Variants in TP53INP1 observed in about 807,000 individuals in gnomAD.
TP53INP1 encodes the protein tumor protein p53-inducible nuclear protein 1.
In TP53INP1, 12 loss-of-function variants were observed where a neutral mutation model predicts 21.0. The ratio of observed to expected loss-of-function variants is 0.57; its 90% CI spans 0.37 to 0.93. The LOEUF (loss-of-function observed/expected upper bound fraction) is 0.93, where lower values mean the gene tolerates loss of function less well. Among genes scored for constraint, TP53INP1 ranks in the 40% least tolerant of loss-of-function variants. TP53INP1 has a pLI of 0.01. For missense variants in TP53INP1, 274 were observed against 294.7 expected, an observed-to-expected ratio of 0.93 and a Z score of 0.51; for synonymous variants, 91 against 94.8, an observed-to-expected ratio of 0.96 and a Z score of 0.23.
At chr8:94,941,284 C>T (rs549364329) in intron 1 of TP53INP1, among the ~76,000 whole-genome samples, 193 bp from the exon 2 acceptor site, 16 of 152,240 alleles carry the variant, frequency 1.1e-4, no homozygotes, top group African/African-American at 3.9e-4. Flanking sequence ...TCAAATTCAA[C>T]CTATAAATAT....
chr8:94,933,475 T>C (rs1820632914), intron 3 of TP53INP1, among the ~76,000 whole-genome samples: 2 of 152,006 alleles, frequency 1.3e-5, no homozygotes, highest in South Asian at 4.1e-4. Context: ...TATAAAATAG[T>C]ATATCTGGGC....
At chr8:94,935,128 T>TTAG (rs149916195) in intron 3 of TP53INP1, among the ~76,000 whole-genome samples, 5 of 144,640 alleles carry the variant, frequency 3.5e-5, no homozygotes, top group Non-Finnish European at 6.0e-5. Context: ...GGTAGATAGA[T>TTAG]ATAGATAGAT....
chr8:94,934,155 A>G (rs1014507792), intron 3 of TP53INP1, among the ~76,000 whole-genome samples: 6 of 152,184 alleles, frequency 3.9e-5, no homozygotes, highest in Non-Finnish European at 8.8e-5. Context: ...CACAGAAAAA[A>G]AAAAACACAA....
chr8:94,934,305 G>A (rs1304173735), intron 3 of TP53INP1, among the ~76,000 whole-genome samples: 1 of 151,952 alleles, frequency 6.6e-6, no homozygotes, highest in African/African-American at 2.4e-5. Context: ...CTTTTGCAAA[G>A]CTGCTGACTA....
At position 94,949,220 on chromosome 8, in the gene TP53INP1, G is replaced by GGGC. The variant is rs1238619674; in HGVS notation, c.-220_-218dup. On this transcript the variant is annotated 5_prime_UTR_variant, in exon 1 of 4. Coordinates refer to ENST00000342697, the MANE Select transcript of TP53INP1 (RefSeq NM_033285.4). The stretch of plus-strand genomic sequence containing the variant: ...CCGCCGGCTCGGCGGGGAAGGACGC[G>GGGC]GGCGGGGCGGGACTGCTGAGGTAGC... The GGGC allele has an allele frequency of 1.3e-5, 2 of 150,386 alleles. No individual in the cohort carries two copies. The highest frequency in any genetic ancestry group is 3.0e-5 in the Non-Finnish European group (2 of 67,328). 9.3% of individuals were successfully genotyped at this position (150,386 alleles called of 1,614,324 possible). A position where few individuals can be genotyped will look rare whatever the true frequency, so the allele number is the denominator to read the frequency against.
rs966347804 is a variant in TP53INP1, at chr8:94,941,264, A to G, written c.-150-173T>C. Among the ~76,000 whole-genome samples the G allele has an allele frequency of 2.0e-5, 3 of 152,212 alleles. No homozygotes were observed. The East Asian group carries it at 5.8e-4, about 29-fold the overall frequency. ...AGAAATGCAACATAATGTTTTGTAA[A>G]TACTCTTACTCAAATTCAACCTATA... On this transcript the variant is annotated intron_variant, in intron 1 of 3. Coordinates refer to ENST00000342697, the MANE Select transcript of TP53INP1 (RefSeq NM_033285.4).
Position 94,928,211 on chromosome 8 carries a change from A to C in TP53INP1, c.*2268T>G, listed in dbSNP as rs1445805819. On this transcript the variant is annotated 3_prime_UTR_variant, in exon 4 of 4. Transcript: ENST00000342697. ...AAAGCATAAAAAACTAGCCCCAGGTAAGGCAAACAAAAAGTCAATAAGGAA... is the reference window on the plus strand; with the variant it reads ...AAAGCATAAAAAACTAGCCCCAGGTCAGGCAAACAAAAAGTCAATAAGGAA... The C allele has an allele frequency of 7.0e-6, 1 of 142,058 alleles. No homozygotes were observed. The highest frequency in any genetic ancestry group is 2.1e-4 in the East Asian group (1 of 4,778). 8.8% of individuals were successfully genotyped at this position (142,058 alleles called of 1,614,324 possible).
rs1020698344 is a variant in TP53INP1, at chr8:94,948,782, G to T, written c.-151+372C>A. 9.9e-5 allele frequency among the ~76,000 whole-genome samples: 15 copies of T among 152,234 alleles called. No individual in the cohort carries two copies. The East Asian group carries it at 2.7e-3, about 28-fold the overall frequency. ...AGGAGGAGTGGAGGGGAGTGAGGAG[G>T]GGTGAGAGGAGGAGGTCCCGCCGCG... On this transcript the variant is annotated intron_variant, in intron 1 of 3. Transcript: ENST00000342697.
rs1007000041 is a variant in TP53INP1 at position 94,927,890 on chromosome 8, A to C, written c.*2589T>G. On this transcript the variant is annotated 3_prime_UTR_variant, in exon 4 of 4. Transcript: ENST00000342697. ...AAGAAATATGTCTAAAGCGCATTGT[A>C]AACCACTAATATTTACAATAGCAAA... is the stretch of plus-strand genomic sequence containing the variant. The C allele has an allele frequency of 4.9e-5, 7 of 141,836 alleles. No individual in the cohort carries two copies. The highest frequency in any genetic ancestry group is 9.2e-5 in the Non-Finnish European group (6 of 65,240). 8.8% of individuals were successfully genotyped at this position (141,836 alleles called of 1,614,324 possible).
intron 3 of TP53INP1, among the ~76,000 whole-genome samples, chr8:94,935,128 T>TATAGATAGATAG (rs56734843): frequency 0.1 from 15,165 of 144,594 alleles, 820 homozygotes; most frequent in South Asian, 0.11. Flanking sequence ...GGTAGATAGA[T>TATAGATAGATAG]ATAGATAGAT....
chr8:94,935,118 G>GATATA (rs1245963948), intron 3 of TP53INP1, among the ~76,000 whole-genome samples: 30 of 133,284 alleles, frequency 2.3e-4, no homozygotes, highest in Non-Finnish European at 3.6e-4. Context: ...TAGGTACATA[G>GATATA]GTAGATAGAT....
intron 1 of TP53INP1, among the ~76,000 whole-genome samples, chr8:94,946,717 A>AAAAAAAAAAAAAAAC (rs1734680724): frequency 6.7e-6 from 1 of 149,582 alleles, no homozygotes; most frequent in Non-Finnish European, 1.5e-5. Context: ...AAAAAAAAAA[A>AAAAAAAAAAAAAAAC]AAAGACAGGC....
chr8:94,941,191 C>T, intron 1 of TP53INP1, 100 bp from the exon 2 acceptor site: 1 of 344,120 alleles, frequency 2.9e-6, no homozygotes, highest in Non-Finnish European at 5.2e-6. Flanking sequence ...AAGCATATGC[C>T]TTGGCCTACA....
intron 3 of TP53INP1, 32 bp downstream of exon 3, chr8:94,939,828 T>G: frequency 6.3e-7 from 1 of 1,583,734 alleles, no homozygotes; most frequent in Non-Finnish European, 8.6e-7. Flanking sequence ...CTCAGTGGAC[T>G]GCCTACAGAG....
At chr8:94,932,003 C>A in intron 3 of TP53INP1, 1 of 1,468,304 alleles carries the variant, frequency 6.8e-7, no homozygotes, top group East Asian at 2.3e-5. Context: ...TTTAAAAGGT[C>A]AGCATTTGGG....
chr8:94,942,225 G>A (rs1000465371), intron 1 of TP53INP1, among the ~76,000 whole-genome samples: 7 of 151,556 alleles, frequency 4.6e-5, no homozygotes, highest in Non-Finnish European at 8.8e-5. Flanking sequence ...TTTATTTAGT[G>A]GAGACAGGGT....
chr8:94,927,725 A>G lies in TP53INP1; in HGVS notation c.*2754T>C, dbSNP rs572588633. 204 of 152,582 alleles carry G rather than the reference A, an allele frequency of 1.3e-3. No individual in the cohort carries two copies. The highest frequency in any genetic ancestry group is 4.7e-3 in the African/African-American group (196 of 41,580). The allele number at this position is 152,582 out of a possible 1,614,324, so 9.5% of individuals were successfully genotyped here. On this transcript the variant is annotated 3_prime_UTR_variant, in exon 4 of 4. Transcript: ENST00000342697. ...AAACAAACTTTGAGAAACATGGCGC[A>G]CTATAAAAGCTAAGAAACTCATTCA...
intron 1 of TP53INP1, among the ~76,000 whole-genome samples, chr8:94,941,602 C>A (rs1202139241): frequency 6.6e-6 from 1 of 152,204 alleles, no homozygotes; most frequent in Admixed American, 6.5e-5. Flanking sequence ...ATACTTTGAC[C>A]TTCTAAACAA....
chr8:94,935,585 C>T (rs921492797), intron 3 of TP53INP1, among the ~76,000 whole-genome samples: 1 of 152,184 alleles, frequency 6.6e-6, no homozygotes, highest in African/African-American at 2.4e-5. Context: ...ATCTATTTCT[C>T]TGTCTCTGCT....
Sources: allele counts gnomAD v4.1 joint callset (sites outside exome capture counted in the v4.1 genomes callset), GRCh38; gene constraint gnomAD v4.1.1; transcripts MANE v1.5; gene names NCBI Gene and HGNC (gene_info 2026-07-23, HGNC 2026-07-21).